Variants in DNER observed in about 807,000 individuals in gnomAD.
The protein encoded by DNER is delta/notch like EGF repeat containing, also known as delta and Notch-like epidermal growth factor-related receptor.
In DNER, 33 loss-of-function variants were observed where a neutral mutation model predicts 78.2. That is an observed-to-expected ratio of 0.42 (90% confidence interval 0.32 to 0.56). The LOEUF (loss-of-function observed/expected upper bound fraction) is 0.56. Ranked by LOEUF, DNER falls within the 20% of genes least tolerant of loss-of-function variation. The pLI is 0.11. For synonymous variants in DNER, 417 were observed against 384.8 expected (o/e 1.08, Z -0.98); for missense variants, 918 against 975.3 (o/e 0.94, Z 0.78).
intron 7 of DNER, among the ~76,000 whole-genome samples, chr2:229,469,334 A>T (rs1247382265): frequency 6.6e-6 from 1 of 152,194 alleles, no homozygotes; most frequent in East Asian, 1.9e-4. Context: ...GAGCCTCAGG[A>T]ATTATCTGAC....
At chr2:229,535,630 T>C (rs1475463768) in intron 5 of DNER, among the ~76,000 whole-genome samples, 3 of 152,024 alleles carry the variant, frequency 2.0e-5, no homozygotes, top group Non-Finnish European at 4.4e-5. Context: ...TGGAAGGAGA[T>C]GTTGTAAAGC....
At chr2:229,426,208 G>A (rs756466314) in intron 8 of DNER, among the ~76,000 whole-genome samples, 4 of 152,028 alleles carry the variant, frequency 2.6e-5, no homozygotes, top group East Asian at 1.9e-4. Flanking sequence ...TTGGGAGGCC[G>A]AGGCGGATGG....
At chr2:229,485,502 GAA>G (rs1237582091) in intron 6 of DNER, among the ~76,000 whole-genome samples, 2 of 152,160 alleles carry the variant, frequency 1.3e-5, no homozygotes, top group East Asian at 3.8e-4. Flanking sequence ...TCTAGAGAGA[GAA>G]GAGTGGCTAA....
At chr2:229,371,064 T>C (rs1692470867) in intron 11 of DNER, among the ~76,000 whole-genome samples, 1 of 152,216 alleles carries the variant, frequency 6.6e-6, no homozygotes, top group South Asian at 2.1e-4. Context: ...TTTCTCAAGA[T>C]TTCTCCTAAA....
chr2:229,596,684 C>G (rs1243611431), intron 1 of DNER, among the ~76,000 whole-genome samples: 1 of 152,178 alleles, frequency 6.6e-6, no homozygotes, highest in African/African-American at 2.4e-5. Context: ...GATAAAGAGC[C>G]AGAAAGAAAA....
At chr2:229,442,417 A>C (rs1286309660) in intron 8 of DNER, among the ~76,000 whole-genome samples, 5 of 152,010 alleles carry the variant, frequency 3.3e-5, no homozygotes, top group African/African-American at 1.2e-4. Context: ...AGGGAGGCTG[A>C]GGCAGGAGAA....
chr2:229,404,168 G>C (rs1015696611), intron 10 of DNER, among the ~76,000 whole-genome samples: 2 of 152,074 alleles, frequency 1.3e-5, no homozygotes, highest in Non-Finnish European at 2.9e-5. Flanking sequence ...AGGAGTCCTT[G>C]GTAGTTGGAT....
intron 4 of DNER, among the ~76,000 whole-genome samples, chr2:229,570,280 C>A (rs1697191634): frequency 6.6e-6 from 1 of 152,178 alleles, no homozygotes. Flanking sequence ...AAGTTCCCTG[C>A]ATTCATTGTG....
chr2:229,708,436 G>C (rs1205290959), intron 1 of DNER, among the ~76,000 whole-genome samples: 1 of 152,206 alleles, frequency 6.6e-6, no homozygotes, highest in African/African-American at 2.4e-5. Context: ...GCACTAATGT[G>C]GGGAAGCAGA....
At chr2:229,383,072 A>G (rs2106333357) in intron 11 of DNER, among the ~76,000 whole-genome samples, 1 of 152,348 alleles carries the variant, frequency 6.6e-6, no homozygotes, top group South Asian at 2.1e-4. Context: ...TCTCTGCAGA[A>G]ACCCTACAAG....
chr2:229,546,220 A>G (rs1453567972), intron 5 of DNER, among the ~76,000 whole-genome samples: 1 of 152,212 alleles, frequency 6.6e-6, no homozygotes, highest in Non-Finnish European at 1.5e-5. Context: ...TTGCTAATGT[A>G]TACAGTGCAC....
intron 7 of DNER, among the ~76,000 whole-genome samples, chr2:229,455,899 C>T (rs1197385288): frequency 6.6e-6 from 1 of 152,074 alleles, no homozygotes; most frequent in East Asian, 1.9e-4. Context: ...AAGTAACTTG[C>T]CCAAAGTTAC....
At chr2:229,468,447 T>G (rs906303837) in intron 7 of DNER, among the ~76,000 whole-genome samples, 1 of 152,128 alleles carries the variant, frequency 6.6e-6, no homozygotes, top group African/African-American at 2.4e-5. Flanking sequence ...CTACACTCGA[T>G]GGATCAGCTG....
At chr2:229,507,520 A>G (rs1045103498) in intron 6 of DNER, among the ~76,000 whole-genome samples, 1 of 152,236 alleles carries the variant, frequency 6.6e-6, no homozygotes, top group African/African-American at 2.4e-5. Flanking sequence ...TTTCAAATCA[A>G]TGGTTTAACC....
chr2:229,457,326 A>G (rs960766733), intron 7 of DNER, among the ~76,000 whole-genome samples: 5 of 152,094 alleles, frequency 3.3e-5, no homozygotes, highest in African/African-American at 1.2e-4. Flanking sequence ...ACATTGAATT[A>G]TGATGTTGTA....
rs773276422 is a variant in DNER, at chr2:229,447,517, C to T, written c.1285G>A (p.Glu429Lys). 1.2e-6 allele frequency: 2 copies of T among 1,614,120 alleles called. No homozygotes were observed. Among genetic ancestry groups the T allele is most frequent in the East Asian group, 4.5e-5 (2 of 44,884 alleles). Residue 429 changes from glutamate to lysine, a missense_variant, in exon 8 of 13, where the codon GAA becomes AAA. Coordinates refer to ENST00000341772, the MANE Select transcript of DNER (RefSeq NM_139072.4). ...PEGYFGSACE[E>K]KVDPCASSPC... is the part of the protein sequence containing the mutation. ...GACGAGGCGCAGGGGTCCACCTTTT[C>T]TTCACAAGCAGATCCGAAGTATCCT...
At chr2:229,532,193 G>A (rs960147833) in intron 5 of DNER, among the ~76,000 whole-genome samples, 7 of 152,216 alleles carry the variant, frequency 4.6e-5, no homozygotes, top group African/African-American at 1.7e-4. Context: ...GAGTACCTCT[G>A]TCAAGTCTTT....
chr2:229,631,184 C>A (rs936683928), intron 1 of DNER, among the ~76,000 whole-genome samples: 1 of 152,102 alleles, frequency 6.6e-6, no homozygotes, highest in Non-Finnish European at 1.5e-5. Flanking sequence ...AATGGTAGTT[C>A]CACTTTTAGG....
intron 8 of DNER, among the ~76,000 whole-genome samples, chr2:229,442,544 A>T (rs1052429748): frequency 2.6e-5 from 4 of 152,118 alleles, no homozygotes; most frequent in Non-Finnish European, 5.9e-5. Context: ...GGTAAACTAG[A>T]TAAAGTTTTT....
Sources: gnomAD v4.1 joint callset for allele counts (sites outside exome capture counted in the v4.1 genomes callset) on GRCh38, gnomAD v4.1.1 for gene constraint, MANE v1.5 for transcripts, NCBI Gene and HGNC (gene_info 2026-07-23, HGNC 2026-07-21) for gene names.